The following HS6ST3 variants were observed in gnomAD, a reference collection of about 807,000 sequenced individuals.
HS6ST3 encodes the protein heparan-sulfate 6-O-sulfotransferase 3.
HS6ST3 carries 12 observed loss-of-function variants against 36.7 expected under a neutral mutation model. The ratio of observed to expected loss-of-function variants is 0.33; its 90% CI spans 0.21 to 0.53. The LOEUF is 0.53. HS6ST3 is among the 20% of genes least tolerant of loss of function. The probability of loss-of-function intolerance (pLI) is 0.95; values close to 1 mark genes in which losing one functional copy is unlikely to be tolerated. For missense variants in HS6ST3, 584 were observed against 640.9 expected, an observed-to-expected ratio of 0.91 and a Z score of 0.96; for synonymous variants, 240 against 257.5, an observed-to-expected ratio of 0.93 and a Z score of 0.65.
chr13:96,214,567 G>A (rs913673546), intron 1 of HS6ST3, among the ~76,000 whole-genome samples: 3 of 152,148 alleles, frequency 2.0e-5, no homozygotes, highest in African/African-American at 4.8e-5. Flanking sequence ...ACTAAATACC[G>A]TGGATGTACA....
chr13:96,165,558 A>C (rs2054156322), intron 1 of HS6ST3, among the ~76,000 whole-genome samples: 1 of 152,160 alleles, frequency 6.6e-6, no homozygotes, highest in Non-Finnish European at 1.5e-5. Flanking sequence ...AACTGCAGAG[A>C]TGTAGTAGCT....
At chr13:96,518,349 G>A (rs2138925220) in intron 1 of HS6ST3, among the ~76,000 whole-genome samples, 1 of 152,230 alleles carries the variant, frequency 6.6e-6, no homozygotes, top group Non-Finnish European at 1.5e-5. Context: ...TTTTTTATGG[G>A]AAGCAATTGG....
intron 1 of HS6ST3, among the ~76,000 whole-genome samples, chr13:96,174,510 C>T (rs992946557): frequency 1.3e-5 from 2 of 152,140 alleles, no homozygotes; most frequent in Non-Finnish European, 2.9e-5. Context: ...CCTGGCATTT[C>T]AGGTACATGC....
chr13:96,725,993 G>A (rs532924533), intron 1 of HS6ST3, among the ~76,000 whole-genome samples: 157 of 151,964 alleles, frequency 1.0e-3, no homozygotes, highest in African/African-American at 3.7e-3. Context: ...GCCCGCCACC[G>A]CTGCTGGCTA....
intron 1 of HS6ST3, among the ~76,000 whole-genome samples, chr13:96,272,441 T>A (rs1486401935): frequency 6.6e-6 from 1 of 151,980 alleles, no homozygotes; most frequent in Non-Finnish European, 1.5e-5. Flanking sequence ...AGTATAGGAA[T>A]TCCTCCTCCC....
At chr13:96,454,727 A>G (rs2055746460) in intron 1 of HS6ST3, among the ~76,000 whole-genome samples, 1 of 152,058 alleles carries the variant, frequency 6.6e-6, no homozygotes, top group South Asian at 2.1e-4. Flanking sequence ...TATAGACAGT[A>G]GAAGAACCCT....
chr13:96,749,377 T>C (rs903817653), intron 1 of HS6ST3, among the ~76,000 whole-genome samples: 1 of 152,198 alleles, frequency 6.6e-6, no homozygotes, highest in Non-Finnish European at 1.5e-5. Context: ...TCTATATGCA[T>C]GTATATAGTT....
At chr13:96,812,854 C>A (rs1160878065) in intron 1 of HS6ST3, among the ~76,000 whole-genome samples, 2 of 152,094 alleles carry the variant, frequency 1.3e-5, no homozygotes, top group African/African-American at 4.8e-5. Flanking sequence ...ATCTTTGATA[C>A]CCAGCTTAGG....
At chr13:96,371,540 A>C (rs1414979650) in intron 1 of HS6ST3, among the ~76,000 whole-genome samples, 1 of 152,140 alleles carries the variant, frequency 6.6e-6, no homozygotes, top group Non-Finnish European at 1.5e-5. Context: ...AGCTATAGTC[A>C]CTATGCTGTA....
At chr13:96,543,952 G>GATATATAT (rs10646361) in intron 1 of HS6ST3, among the ~76,000 whole-genome samples, 251 of 145,838 alleles carry the variant, frequency 1.7e-3, no homozygotes, top group African/African-American at 5.4e-3. Flanking sequence ...ATGATGGGGA[G>GATATATAT]ATATATATAT....
At chr13:96,418,008 A>T (rs2055543409) in intron 1 of HS6ST3, among the ~76,000 whole-genome samples, 1 of 152,104 alleles carries the variant, frequency 6.6e-6, no homozygotes, top group Admixed American at 6.6e-5. Context: ...CACTGCCATG[A>T]CATTATAACT....
chr13:96,178,470 A>C (rs900050418), intron 1 of HS6ST3, among the ~76,000 whole-genome samples: 1 of 152,036 alleles, frequency 6.6e-6, no homozygotes, highest in East Asian at 1.9e-4. Flanking sequence ...TCAGGGACCA[A>C]CTTCTACCCT....
chr13:96,752,466 G>A (rs2138493403), intron 1 of HS6ST3, among the ~76,000 whole-genome samples: 2 of 152,072 alleles, frequency 1.3e-5, no homozygotes, highest in East Asian at 3.9e-4. Context: ...AAAACTTCAT[G>A]GTGAAAGACG....
chr13:96,401,826 G>A (rs1001131505), intron 1 of HS6ST3, among the ~76,000 whole-genome samples: 3 of 152,094 alleles, frequency 2.0e-5, no homozygotes, highest in African/African-American at 7.2e-5. Context: ...AGCCTGCCCC[G>A]GCCTCCCAAA....
chr13:96,560,300 T>C (rs1019075659), intron 1 of HS6ST3, among the ~76,000 whole-genome samples: 4 of 152,222 alleles, frequency 2.6e-5, no homozygotes, highest in African/African-American at 9.6e-5. Flanking sequence ...GTTTGTTTTA[T>C]GTAAAGTCTT....
chr13:96,134,685 A>G (rs765704154), intron 1 of HS6ST3, among the ~76,000 whole-genome samples: 1 of 152,204 alleles, frequency 6.6e-6, no homozygotes, highest in African/African-American at 2.4e-5. Flanking sequence ...TGAAAATTAC[A>G]AGGACATTCT....
At chr13:96,141,779 T>G (rs2054033068) in intron 1 of HS6ST3, among the ~76,000 whole-genome samples, 1 of 152,116 alleles carries the variant, frequency 6.6e-6, no homozygotes, top group South Asian at 2.1e-4. Context: ...TTAAGGACCT[T>G]TAAGGCTCAT....
chr13:96,728,193 T>C (rs1876053462), intron 1 of HS6ST3, among the ~76,000 whole-genome samples: 1 of 152,134 alleles, frequency 6.6e-6, no homozygotes. Flanking sequence ...AAATACAAAA[T>C]AAATAAGTAA....
chr13:96,322,017 A>C (rs1250478329), intron 1 of HS6ST3, among the ~76,000 whole-genome samples: 1 of 151,948 alleles, frequency 6.6e-6, no homozygotes, highest in Non-Finnish European at 1.5e-5. Flanking sequence ...AATGGAACTC[A>C]TCAGAGCAGA....
Sources: gnomAD v4.1 joint callset for allele counts (sites outside exome capture counted in the v4.1 genomes callset) on GRCh38, gnomAD v4.1.1 for gene constraint, MANE v1.5 for transcripts, NCBI Gene and HGNC (gene_info 2026-07-23, HGNC 2026-07-21) for gene names.